The following ATP13A4 variants were observed in gnomAD, a reference collection of about 807,000 sequenced individuals.
The protein encoded by ATP13A4 is ATPase 13A4, also known as probable cation-transporting ATPase 13A4.
ATP13A4 carries 114 observed loss-of-function variants against 142.5 expected under a neutral mutation model. That is an observed-to-expected ratio of 0.80 (90% CI 0.69 to 0.93). The LOEUF (loss-of-function observed/expected upper bound fraction) is 0.93. ATP13A4 is among the 40% of genes least tolerant of loss of function. The probability of loss-of-function intolerance (pLI) is 0.00; values close to 1 mark genes in which losing one functional copy is unlikely to be tolerated. For synonymous variants in ATP13A4, 488 were observed against 514.8 expected (o/e 0.95, Z 0.70); for missense variants, 1,392 against 1,454.0 (o/e 0.96, Z 0.69).
At chr3:193,467,829 G>C (rs1718392392) in intron 9 of ATP13A4, among the ~76,000 whole-genome samples, 2 of 152,128 alleles carry the variant, frequency 1.3e-5, no homozygotes, top group Non-Finnish European at 2.9e-5. Flanking sequence ...AAAGGGCCGT[G>C]AGAGCTATCT....
chr3:193,416,561 C>T (rs1715074003), intron 25 of ATP13A4, among the ~76,000 whole-genome samples: 1 of 152,024 alleles, frequency 6.6e-6, no homozygotes. Context: ...AAACAGCAAA[C>T]TTGCAAACTT....
chr3:193,535,924 C>G (rs1376498959), intron 1 of ATP13A4, among the ~76,000 whole-genome samples: 1 of 152,020 alleles, frequency 6.6e-6, no homozygotes, highest in Non-Finnish European at 1.5e-5. Flanking sequence ...ACTATTACAA[C>G]TTCACTCAAT....
rs556314353 is a variant in ATP13A4, at chr3:193,504,841, C to A, written c.235-2202G>T. Reference sequence around the variant, plus strand: ...GTAGGGACAATTAGGAAGACAGCAACTATTAATCGTCTCCAGTGAATTAAA... The same window carrying A: ...GTAGGGACAATTAGGAAGACAGCAAATATTAATCGTCTCCAGTGAATTAAA... On this transcript the variant is annotated intron_variant, in intron 2 of 29. Coordinates refer to ENST00000342695, the MANE Select transcript of ATP13A4 (RefSeq NM_032279.4). Among the ~76,000 whole-genome samples, 594 of 152,314 alleles carry A rather than the reference C, an allele frequency of 3.9e-3. 1 individual carries two copies. Among genetic ancestry groups the A allele is most frequent in the Non-Finnish European group, 7.1e-3 (480 of 68,028 alleles).
intron 21 of ATP13A4, 116 bp downstream of exon 21, chr3:193,440,442 G>A: frequency 6.5e-7 from 1 of 1,547,676 alleles, no homozygotes; most frequent in Non-Finnish European, 8.8e-7. Context: ...ATCTCATGCA[G>A]CCGAAGTACG....
At chr3:193,449,774 C>A (rs1460661354) in intron 17 of ATP13A4, among the ~76,000 whole-genome samples, 1 of 152,138 alleles carries the variant, frequency 6.6e-6, no homozygotes, top group Non-Finnish European at 1.5e-5. Flanking sequence ...GAAACCCTCC[C>A]AATGTTCTGA....
upstream of ATP13A4, chr3:193,554,957 A>G: frequency 1.3e-6 from 2 of 1,569,972 alleles, no homozygotes; most frequent in Non-Finnish European, 1.7e-6. Context: ...CTCTCAACAA[A>G]TGACAATACT....
rs1714274502 is a variant in ATP13A4 at position 193,401,903 on chromosome 3, C to T, written c.*749G>A. On this transcript the variant is annotated 3_prime_UTR_variant, in exon 30 of 30. Transcript: ENST00000342695. ...AATGTGTGCCACTTTTGGGGTGAGGCAGTGAAGAGCCCACACGTGATCTCC... is the reference window on the plus strand; with the variant it reads ...AATGTGTGCCACTTTTGGGGTGAGGTAGTGAAGAGCCCACACGTGATCTCC... 2.0e-5 allele frequency among the ~76,000 whole-genome samples: 3 copies of T among 151,946 alleles called. No homozygotes were observed. Among genetic ancestry groups the T allele is most frequent in the Non-Finnish European group, 4.4e-5 (3 of 67,962 alleles).
At chr3:193,534,735 A>G (rs1317067647) in intron 1 of ATP13A4, among the ~76,000 whole-genome samples, 1 of 152,124 alleles carries the variant, frequency 6.6e-6, no homozygotes, top group East Asian at 1.9e-4. Context: ...CTGTGAGACT[A>G]TGAGAAGAGA....
At chr3:193,412,118 G>A in intron 27 of ATP13A4, 60 bp downstream of exon 27, 3 of 1,454,450 alleles carry the variant, frequency 2.1e-6, no homozygotes, top group Non-Finnish European at 2.9e-6. Flanking sequence ...AAGTGACCTG[G>A]ACATGTCTGT....
At chr3:193,590,084 C>CA (rs1234258873) in intron 1 of ATP13A4, among the ~76,000 whole-genome samples, 3 of 151,824 alleles carry the variant, frequency 2.0e-5, no homozygotes, top group Non-Finnish European at 4.4e-5. Context: ...ACTGCACAGA[C>CA]AAAATCATTT....
At chr3:193,478,637 GAA>G (rs907676626) in intron 8 of ATP13A4, among the ~76,000 whole-genome samples, 2 of 149,790 alleles carry the variant, frequency 1.3e-5, no homozygotes, top group East Asian at 3.9e-4. Context: ...AAGTTACCAA[GAA>G]AAAAAAAGTC....
In ATP13A4 at chr3:193,401,326, T is replaced by C. The variant is rs1714253465; in HGVS notation, c.*1326A>G. ...TTCCTTGTGCTGAACAAATCAAATA[T>C]AACCAAATTGTAATAGTGACAAAAT... On this transcript the variant is annotated 3_prime_UTR_variant, in exon 30 of 30. Transcript: ENST00000342695. Among the ~76,000 whole-genome samples, 1 of 152,078 alleles carries C rather than the reference T, an allele frequency of 6.6e-6. No homozygotes were observed. Among genetic ancestry groups the C allele is most frequent in the African/African-American group, 2.4e-5 (1 of 41,410 alleles).
chr3:193,477,705 A>C (rs1719047166), intron 8 of ATP13A4, among the ~76,000 whole-genome samples: 1 of 152,094 alleles, frequency 6.6e-6, no homozygotes, highest in South Asian at 2.1e-4. Flanking sequence ...AACCAGACCA[A>C]GTCCAGATGA....
intron 29 of ATP13A4, among the ~76,000 whole-genome samples, chr3:193,404,523 G>A (rs1714398034): frequency 6.6e-6 from 1 of 152,214 alleles, no homozygotes; most frequent in African/African-American, 2.4e-5. Context: ...GGAGGTGACT[G>A]GGTCGTAGGG....
chr3:193,419,715 T>C lies in ATP13A4; in HGVS notation c.2843-4965A>G, dbSNP rs529972666. Among the ~76,000 whole-genome samples the C allele has an allele frequency of 2.7e-5, 4 of 150,032 alleles. 1 individual carries two copies. The South Asian group carries it at 8.4e-4, about 32-fold the overall frequency. On this transcript the variant is annotated intron_variant, in intron 25 of 29. Coordinates refer to ENST00000342695, the MANE Select transcript of ATP13A4 (RefSeq NM_032279.4). ...GCACTGGCTGAGCAGAGACATCCCT[T>C]CCCCCAACAGGAAAAATAGCTCTAG...
chr3:193,426,279 C>T (rs1715660235), intron 25 of ATP13A4, among the ~76,000 whole-genome samples: 1 of 151,582 alleles, frequency 6.6e-6, no homozygotes, highest in Non-Finnish European at 1.5e-5. Flanking sequence ...AATGAAATAC[C>T]TAGAGATAAA....
chr3:193,504,014 TGTGTGTGA>T (rs1263987055), intron 2 of ATP13A4, among the ~76,000 whole-genome samples: 2 of 140,340 alleles, frequency 1.4e-5, no homozygotes, highest in Non-Finnish European at 3.1e-5. Flanking sequence ...TGTGTGTGTG[TGTGTGTGA>T]GAGAGAGAGA....
intron 8 of ATP13A4, 101 bp from the exon 9 acceptor site, chr3:193,471,094 A>ATT (rs11415048): frequency 2.1e-5 from 28 of 1,362,300 alleles, no homozygotes; most frequent in East Asian, 1.8e-4. Flanking sequence ...CAACCAAGAC[A>ATT]TTTTTTTTTT....
rs1200096939 is a variant in ATP13A4, at chr3:193,399,831, G to A, written c.*2821C>T. On this transcript the variant is annotated 3_prime_UTR_variant, in exon 30 of 30. Coordinates refer to ENST00000342695, the MANE Select transcript of ATP13A4 (RefSeq NM_032279.4). Reference sequence around the variant, plus strand: ...ACTGCACTCTAGCCTGGGCAACAGAGTGAGACTCCATCTCAAAAAAAAAAA... The same window carrying A: ...ACTGCACTCTAGCCTGGGCAACAGAATGAGACTCCATCTCAAAAAAAAAAA... Among the ~76,000 whole-genome samples the A allele has an allele frequency of 8.9e-5, 10 of 112,480 alleles. No individual in the cohort carries two copies. The Admixed American group carries it at 1.1e-3, about 12-fold the overall frequency. The allele number at this position is 112,480 out of a possible 152,430, so 73.8% of individuals were successfully genotyped here.
Sources: gnomAD v4.1 joint callset for allele counts (sites outside exome capture counted in the v4.1 genomes callset) on GRCh38, gnomAD v4.1.1 for gene constraint, MANE v1.5 for transcripts, NCBI Gene and HGNC (gene_info 2026-07-23, HGNC 2026-07-21) for gene names.